The following YIPF1 variants were observed in gnomAD, a reference collection of about 807,000 sequenced individuals.
YIPF1 encodes protein YIPF1.
YIPF1 carries 22 observed loss-of-function variants against 37.0 expected under a neutral mutation model. The observed-to-expected ratio is 0.59, with a 90% CI of 0.42 to 0.85. YIPF1 has a LOEUF of 0.85. YIPF1 is among the 40% of genes least tolerant of loss of function. YIPF1 has a pLI of 0.00. For synonymous variants in YIPF1, 128 were observed against 131.9 expected (o/e 0.97, Z 0.21); for missense variants, 355 against 373.1 (o/e 0.95, Z 0.40).
intron 9 of YIPF1, among the ~76,000 whole-genome samples, chr1:53,861,553 G>A (rs190395191): frequency 1.3e-5 from 2 of 151,432 alleles, no homozygotes; most frequent in African/African-American, 4.9e-5. Context: ...TCTTGGGGCT[G>A]GTGTGGTGAC....
chr1:53,866,164 A>G, intron 9 of YIPF1, 36 bp downstream of exon 9: 1 of 1,599,282 alleles, frequency 6.3e-7, no homozygotes, highest in Non-Finnish European at 8.5e-7. Context: ...ATTTGGATAT[A>G]AAACACACCA....
At chr1:53,856,508 G>A (rs999890669) in intron 10 of YIPF1, among the ~76,000 whole-genome samples, 3 of 152,214 alleles carry the variant, frequency 2.0e-5, no homozygotes, top group East Asian at 3.9e-4. Flanking sequence ...AGTCCACATC[G>A]TCTTATCATG....
rs529514245 is a variant in YIPF1 at position 53,856,787 on chromosome 1, G to A, written c.*8+3269C>T. 3.9e-5 allele frequency among the ~76,000 whole-genome samples: 6 copies of A among 152,222 alleles called. No individual in the cohort carries two copies. The East Asian group carries it at 5.8e-4, about 15-fold the overall frequency. On this transcript the variant is annotated intron_variant, in intron 10 of 10. Coordinates refer to ENST00000072644, the MANE Select transcript of YIPF1 (RefSeq NM_018982.5). ...ATATGCAAATACTTCAAATATATAC[G>A]TATCACAAGTTTGTGCTTGTGACTG... is the stretch of plus-strand genomic sequence containing the variant.
intron 10 of YIPF1, chr1:53,854,987 A>G (rs1175528521): frequency 6.6e-6 from 1 of 151,876 alleles, no homozygotes; most frequent in Non-Finnish European, 1.5e-5. Context: ...AGAAAAGAAA[A>G]TAAGTAATAC....
At chr1:53,871,052 T>G (rs1230145639) in intron 7 of YIPF1, among the ~76,000 whole-genome samples, 3 of 151,074 alleles carry the variant, frequency 2.0e-5, no homozygotes. Flanking sequence ...AAACTGCAGT[T>G]GCTATTCGGC....
At chr1:53,882,082 C>T (rs1216752269) in intron 4 of YIPF1, among the ~76,000 whole-genome samples, 3 of 152,096 alleles carry the variant, frequency 2.0e-5, no homozygotes, top group African/African-American at 7.2e-5. Flanking sequence ...GAGTTGGAAG[C>T]CATTATCCTT....
chr1:53,882,464 T>C (rs78199071), intron 4 of YIPF1, among the ~76,000 whole-genome samples: 3 of 151,956 alleles, frequency 2.0e-5, no homozygotes. Flanking sequence ...TTTTTTTTTT[T>C]TCTTTCTTCT....
In YIPF1 at chr1:53,871,443, C is replaced by T. The variant is rs1650190081; in HGVS notation, c.410G>A (p.Ser137Asn). The T allele has an allele frequency of 1.9e-6, 3 of 1,614,112 alleles. No homozygotes were observed. Among genetic ancestry groups the T allele is most frequent in the East Asian group, 4.5e-5 (2 of 44,888 alleles). Reference protein sequence around the residue: ...CATLVFAIAISGNLSNFLIHL... With the variant: ...CATLVFAIAINGNLSNFLIHL... ...GATCAAGAAGTTGGAAAGATTCCCA[C>T]TAATTGCTATGGCAAAGACCAACGT... The change falls in exon 7 of 11, where the codon AGT becomes AAT. Residue 137 changes from serine to asparagine, a missense_variant. Physicochemically the swap from Ser to Asn is conservative, Grantham distance 46. Coordinates refer to ENST00000072644, the MANE Select transcript of YIPF1 (RefSeq NM_018982.5).
rs764590403 is a variant in YIPF1, at chr1:53,883,093, T to C, written c.195+20A>G. 2 of 1,548,630 alleles carry C rather than the reference T, an allele frequency of 1.3e-6. No individual in the cohort carries two copies. The highest frequency in any genetic ancestry group is 4.7e-5 in the East Asian group (2 of 42,164). On this transcript the variant is annotated intron_variant, in intron 4 of 10. Transcript: ENST00000072644. ...AGCTTTAAAAATTGTTTAAAAAATA[T>C]CTCAAAGACAAGTTCAAACCTCAGT...
intron 3 of YIPF1, among the ~76,000 whole-genome samples, chr1:53,888,082 C>T (rs760302882): frequency 1.2e-4 from 18 of 152,072 alleles, no homozygotes; most frequent in South Asian, 2.1e-4. Context: ...AAAAATTAGT[C>T]GGGTGTGGTG....
chr1:53,870,158 C>CTTTT, intron 7 of YIPF1, among the ~76,000 whole-genome samples: 2 of 67,448 alleles, frequency 3.0e-5, no homozygotes, highest in African/African-American at 7.7e-5. Flanking sequence ...CGCACCGGGT[C>CTTTT]TCTTTTTTTT....
intron 10 of YIPF1, among the ~76,000 whole-genome samples, chr1:53,852,816 T>C (rs143901079): frequency 2.6e-5 from 4 of 151,310 alleles, no homozygotes; most frequent in African/African-American, 9.7e-5. Context: ...GGAAGTGACA[T>C]AGTTAAAGGC....
Position 53,889,281 on chromosome 1 carries a change from G to A in YIPF1, c.-87C>T, listed in dbSNP as rs1650739751. 1 of 215,380 alleles carries A rather than the reference G, an allele frequency of 4.6e-6. No individual in the cohort carries two copies. Among genetic ancestry groups the A allele is most frequent in the Non-Finnish European group, 9.5e-6 (1 of 105,682 alleles). 13.3% of individuals were successfully genotyped at this position (215,380 alleles called of 1,614,324 possible). On this transcript the variant is annotated 5_prime_UTR_variant, in exon 2 of 11. Coordinates refer to ENST00000072644, the MANE Select transcript of YIPF1 (RefSeq NM_018982.5). Reference sequence around the variant, plus strand: ...TAGAGAGCAGGTGCAGCCTAGAGATGTAACGATGAGGAAGGAGAGGCTGAG... The same window carrying A: ...TAGAGAGCAGGTGCAGCCTAGAGATATAACGATGAGGAAGGAGAGGCTGAG...
chr1:53,873,392 G>GT (rs753846729), intron 6 of YIPF1, among the ~76,000 whole-genome samples: 45 of 152,318 alleles, frequency 3.0e-4, no homozygotes, highest in Middle Eastern at 3.4e-3. Flanking sequence ...AGAGACTGAA[G>GT]TAAGAGGTAC....
chr1:53,876,723 T>C (rs1273054728), intron 6 of YIPF1, among the ~76,000 whole-genome samples: 1 of 152,196 alleles, frequency 6.6e-6, no homozygotes, highest in Admixed American at 6.5e-5. Flanking sequence ...TCCTCATCTA[T>C]AAAATGGGGA....
intron 3 of YIPF1, among the ~76,000 whole-genome samples, chr1:53,888,446 C>A (rs1650714158): frequency 6.6e-6 from 1 of 152,188 alleles, no homozygotes; most frequent in African/African-American, 2.4e-5. Context: ...ATAACTAGAA[C>A]AATTGCCCGG....
At chr1:53,886,817 CTGAGGAGGGTCTCTCTAA>C (rs1650666353) in intron 3 of YIPF1, 1 of 152,000 alleles carries the variant, frequency 6.6e-6, no homozygotes, top group Admixed American at 6.6e-5. Flanking sequence ...GATAGGATGG[CTGAGGAGGGTCTCTCTAA>C]TGAGGAGAGA....
chr1:53,876,228 G>A (rs1409841579), intron 6 of YIPF1, among the ~76,000 whole-genome samples: 6 of 152,044 alleles, frequency 3.9e-5, no homozygotes, highest in African/African-American at 1.4e-4. Context: ...TCTAATTTGT[G>A]GGAGTTCGAC....
At chr1:53,864,459 T>C (rs1194809540) in intron 9 of YIPF1, among the ~76,000 whole-genome samples, 1 of 146,704 alleles carries the variant, frequency 6.8e-6, no homozygotes, top group Non-Finnish European at 1.5e-5. Context: ...AACTTGGCAC[T>C]TTTTATGAAA....
Sources: allele counts gnomAD v4.1 joint callset (sites outside exome capture counted in the v4.1 genomes callset), GRCh38; gene constraint gnomAD v4.1.1; transcripts MANE v1.5; gene names NCBI Gene and HGNC (gene_info 2026-07-23, HGNC 2026-07-21).